The following CTNNBL1 variants were observed in gnomAD, a reference collection of about 807,000 sequenced individuals.
CTNNBL1 encodes the protein beta-catenin-like protein 1.
In CTNNBL1, 31 loss-of-function variants were observed where a neutral mutation model predicts 72.7. The observed-to-expected ratio is 0.43, with a 90% CI of 0.32 to 0.58. The LOEUF is 0.58. Among genes scored for constraint, CTNNBL1 ranks in the 20% least tolerant of loss-of-function variants. The probability of loss-of-function intolerance (pLI) is 0.08; values close to 1 mark genes in which losing one functional copy is unlikely to be tolerated. For missense variants in CTNNBL1, 534 were observed against 725.1 expected, an observed-to-expected ratio of 0.74 and a Z score of 3.03; for synonymous variants, 240 against 267.3, an observed-to-expected ratio of 0.90 and a Z score of 1.00.
chr20:37,777,577 A>T (rs1032456167), intron 8 of CTNNBL1, 77 bp from the exon 9 acceptor site: 3 of 1,451,942 alleles, frequency 2.1e-6, no homozygotes, highest in Non-Finnish European at 2.9e-6. Context: ...TTGTTTGCTG[A>T]TGTATCAGTG....
At chr20:37,778,744 A>G (rs956149393) in intron 9 of CTNNBL1, among the ~76,000 whole-genome samples, 1 of 152,294 alleles carries the variant, frequency 6.6e-6, no homozygotes, top group Non-Finnish European at 1.5e-5. Flanking sequence ...GAAATGAGAT[A>G]TGGTTGGGTT....
intron 15 of CTNNBL1, among the ~76,000 whole-genome samples, chr20:37,864,867 G>A (rs904537510): frequency 3.3e-5 from 5 of 152,104 alleles, no homozygotes; most frequent in African/African-American, 1.2e-4. Flanking sequence ...GGTAGGTAGA[G>A]TAGTCACTTA....
chr20:37,823,595 C>A (rs1482181740), intron 11 of CTNNBL1, among the ~76,000 whole-genome samples: 1 of 152,154 alleles, frequency 6.6e-6, no homozygotes, highest in Non-Finnish European at 1.5e-5. Flanking sequence ...AAGATGAAAG[C>A]AGTGAAGAGG....
At chr20:37,868,224 G>A (rs1477517276) in intron 15 of CTNNBL1, among the ~76,000 whole-genome samples, 1 of 152,138 alleles carries the variant, frequency 6.6e-6, no homozygotes, top group Non-Finnish European at 1.5e-5. Context: ...GCCAGGCAGG[G>A]TAGCCTGTTG....
At chr20:37,819,464 C>T (rs2072086697) in intron 11 of CTNNBL1, among the ~76,000 whole-genome samples, 1 of 152,200 alleles carries the variant, frequency 6.6e-6, no homozygotes, top group South Asian at 2.1e-4. Context: ...CTGCTCATAA[C>T]TGTCATACCT....
chr20:37,756,796 C>A (rs572747515), intron 4 of CTNNBL1, among the ~76,000 whole-genome samples: 119 of 151,172 alleles, frequency 7.9e-4, no homozygotes, highest in African/African-American at 2.7e-3. Flanking sequence ...TGCCACCATG[C>A]CTGGCTGATT....
intron 4 of CTNNBL1, chr20:37,751,161 A>G (rs2073316546): frequency 6.6e-6 from 1 of 152,136 alleles, no homozygotes; most frequent in African/African-American, 2.4e-5. Context: ...TTAAAAAAAA[A>G]AATCATGACT....
intron 9 of CTNNBL1, among the ~76,000 whole-genome samples, chr20:37,778,339 A>T (rs1276165367): frequency 6.6e-6 from 1 of 152,182 alleles, no homozygotes; most frequent in Non-Finnish European, 1.5e-5. Context: ...GATCATTTGG[A>T]TAAAATCTTA....
rs559203942 is a variant in CTNNBL1 at position 37,757,480 on chromosome 20, G to A, written c.467-79G>A. 18 of 945,078 alleles carry A rather than the reference G, an allele frequency of 1.9e-5. No individual in the cohort carries two copies. The South Asian group carries it at 2.1e-4, about 11-fold the overall frequency. The allele number at this position is 945,078 out of a possible 1,614,324, so 58.5% of individuals were successfully genotyped here. ...TAGATGGTGATAAAGCAATTGATGA[G>A]GAAACGGAAGGGAATCAAGGATTAA... On this transcript the variant is annotated intron_variant, in intron 4 of 15. Coordinates refer to ENST00000361383, the MANE Select transcript of CTNNBL1 (RefSeq NM_030877.5).
At chr20:37,852,824 T>C (rs1161545986) in intron 13 of CTNNBL1, among the ~76,000 whole-genome samples, 1 of 152,190 alleles carries the variant, frequency 6.6e-6, no homozygotes, top group East Asian at 1.9e-4. Flanking sequence ...CCTGTTTGCC[T>C]TCCCTGATCT....
chr20:37,736,999 A>G (rs1311191698), intron 2 of CTNNBL1, among the ~76,000 whole-genome samples: 4 of 152,044 alleles, frequency 2.6e-5, no homozygotes, highest in Non-Finnish European at 4.4e-5. Context: ...CAAGGTGGGC[A>G]GATCACGAGG....
At chr20:37,765,096 C>G in intron 5 of CTNNBL1, 101 bp from the exon 6 acceptor site, 6 of 776,886 alleles carry the variant, frequency 7.7e-6, no homozygotes, top group Non-Finnish European at 1.3e-5. Flanking sequence ...TATTTACTTA[C>G]TTTGTTCATT....
At chr20:37,849,665 C>G (rs1205625610) in intron 13 of CTNNBL1, among the ~76,000 whole-genome samples, 2 of 152,234 alleles carry the variant, frequency 1.3e-5, no homozygotes, top group Admixed American at 6.5e-5. Context: ...GTTTCCCTGA[C>G]AGTTTCTGCA....
intron 1 of CTNNBL1, among the ~76,000 whole-genome samples, chr20:37,701,455 A>T (rs1051396261): frequency 1.3e-5 from 2 of 152,234 alleles, no homozygotes; most frequent in African/African-American, 2.4e-5. Context: ...AGAATTCATA[A>T]TGTAAGGAGC....
intron 5 of CTNNBL1, among the ~76,000 whole-genome samples, chr20:37,758,185 C>T (rs1178107611): frequency 6.6e-6 from 1 of 152,202 alleles, no homozygotes; most frequent in Non-Finnish European, 1.5e-5. Flanking sequence ...ACAGATAGGT[C>T]ATCAGAGAGG....
chr20:37,758,616 G>A (rs1010785477), intron 5 of CTNNBL1, among the ~76,000 whole-genome samples: 3 of 152,228 alleles, frequency 2.0e-5, no homozygotes, highest in Non-Finnish European at 4.4e-5. Flanking sequence ...CGGCAGAAGT[G>A]CATCTAGTCC....
intron 7 of CTNNBL1, among the ~76,000 whole-genome samples, chr20:37,771,715 T>C (rs963464878): frequency 6.6e-6 from 1 of 152,158 alleles, no homozygotes; most frequent in African/African-American, 2.4e-5. Flanking sequence ...ACACCCTTCG[T>C]GAAACAGCTT....
intron 11 of CTNNBL1, among the ~76,000 whole-genome samples, chr20:37,804,107 A>G (rs144711389): frequency 1.3e-5 from 2 of 152,292 alleles, no homozygotes; most frequent in Middle Eastern, 3.4e-3. Context: ...GGCTGGAGCA[A>G]AAGAGGAACT....
chr20:37,716,744 A>G (rs1055068306), intron 1 of CTNNBL1, among the ~76,000 whole-genome samples: 4 of 152,226 alleles, frequency 2.6e-5, no homozygotes, highest in Admixed American at 2.0e-4. Flanking sequence ...GCTGGAAAGT[A>G]TGTTATATAA....
Sources: allele counts gnomAD v4.1 joint callset (sites outside exome capture counted in the v4.1 genomes callset), GRCh38; gene constraint gnomAD v4.1.1; transcripts MANE v1.5; gene names NCBI Gene and HGNC (gene_info 2026-07-23, HGNC 2026-07-21).